The following SLC9B1 variants were observed in gnomAD, a reference collection of about 807,000 sequenced individuals.
The protein encoded by SLC9B1 is solute carrier family 9 member B1, also known as sodium/hydrogen exchanger 9B1.
SLC9B1 carries 32 observed loss-of-function variants against 51.7 expected under a neutral mutation model. That is an observed-to-expected ratio of 0.62 (90% CI 0.47 to 0.83). The LOEUF (loss-of-function observed/expected upper bound fraction) is 0.83, where lower values mean the gene tolerates loss of function less well. Among genes scored for constraint, SLC9B1 ranks in the 40% least tolerant of loss-of-function variants. The pLI is 0.00. For missense variants in SLC9B1, 406 were observed against 613.2 expected, an observed-to-expected ratio of 0.66 and a Z score of 3.57; for synonymous variants, 145 against 212.7, an observed-to-expected ratio of 0.68 and a Z score of 2.77.
chr4:102,913,785 G>C (rs192665012), intron 7 of SLC9B1, among the ~76,000 whole-genome samples: 278 of 53,868 alleles, frequency 5.2e-3, no homozygotes, highest in African/African-American at 0.021. Flanking sequence ...TATTAACAAA[G>C]AGATAGAAAC....
intron 1 of SLC9B1, among the ~76,000 whole-genome samples, chr4:103,006,809 C>T (rs1740813260): frequency 6.6e-6 from 1 of 152,166 alleles, no homozygotes; most frequent in African/African-American, 2.4e-5. Flanking sequence ...GACTTTATCC[C>T]TGGCATGCAA....
At chr4:102,997,091 T>C (rs1740268036) in intron 1 of SLC9B1, among the ~76,000 whole-genome samples, 1 of 152,118 alleles carries the variant, frequency 6.6e-6, no homozygotes, top group South Asian at 2.1e-4. Context: ...GTCTGGCCAG[T>C]ATAACAGATA....
chr4:102,989,272 T>C (rs1291189583), intron 3 of SLC9B1, among the ~76,000 whole-genome samples: 1 of 151,996 alleles, frequency 6.6e-6, no homozygotes, highest in African/African-American at 2.4e-5. Context: ...CCAAAATCTC[T>C]TTCTCTCATA....
intron 6 of SLC9B1, among the ~76,000 whole-genome samples, chr4:102,937,957 A>G (rs558078888): frequency 6.6e-6 from 1 of 152,320 alleles, no homozygotes; most frequent in East Asian, 1.9e-4. Flanking sequence ...ATTGTAAAGT[A>G]ACTACACAAT....
chr4:102,975,584 A>ATTTT (rs1466561136), intron 3 of SLC9B1, among the ~76,000 whole-genome samples: 1,420 of 79,798 alleles, frequency 0.018, 90 homozygotes, highest in Non-Finnish European at 0.02. Flanking sequence ...ATATATATAT[A>ATTTT]TATTTTTTTT....
downstream of SLC9B1, among the ~76,000 whole-genome samples, chr4:102,899,562 C>T (rs960964410): frequency 6.7e-4 from 102 of 151,730 alleles, 1 homozygote; most frequent in Non-Finnish European, 4.0e-4. Flanking sequence ...TACAGGTGTG[C>T]GCCACCACAC....
chr4:102,971,231 G>C (rs1007395871), intron 3 of SLC9B1, among the ~76,000 whole-genome samples: 2 of 152,088 alleles, frequency 1.3e-5, no homozygotes, highest in Non-Finnish European at 2.9e-5. Flanking sequence ...TGACCACCTA[G>C]TTTGAAGTAA....
chr4:102,927,082 C>T (rs1736223043), intron 7 of SLC9B1, among the ~76,000 whole-genome samples: 1 of 152,128 alleles, frequency 6.6e-6, no homozygotes, highest in South Asian at 2.1e-4. Context: ...TTCCTTATAC[C>T]TTATACAAAA....
chr4:102,998,600 T>C (rs1740349617), intron 1 of SLC9B1, among the ~76,000 whole-genome samples: 1 of 127,336 alleles, frequency 7.9e-6, no homozygotes, highest in African/African-American at 3.5e-5. Context: ...ACCATCATCA[T>C]ATGGTTTTTT....
At chr4:102,993,281 T>TG (rs1177112323) in intron 1 of SLC9B1, among the ~76,000 whole-genome samples, 5 of 152,226 alleles carry the variant, frequency 3.3e-5, no homozygotes, top group African/African-American at 7.2e-5. Flanking sequence ...CTAGGTACAA[T>TG]GAGGGTACTG....
chr4:102,975,541 C>T (rs1333014817), intron 3 of SLC9B1, among the ~76,000 whole-genome samples: 1 of 136,336 alleles, frequency 7.3e-6, no homozygotes, highest in Admixed American at 7.7e-5. Flanking sequence ...GAAGCTTCAA[C>T]TATATCTATA....
intron 6 of SLC9B1, among the ~76,000 whole-genome samples, chr4:102,944,992 T>A (rs1042871911): frequency 5.9e-5 from 9 of 152,132 alleles, no homozygotes; most frequent in African/African-American, 2.2e-4. Flanking sequence ...TGATAAACAT[T>A]TAGGGGCTAT....
At chr4:102,939,922 T>C (rs1206443305) in intron 6 of SLC9B1, among the ~76,000 whole-genome samples, 1 of 152,108 alleles carries the variant, frequency 6.6e-6, no homozygotes, top group Non-Finnish European at 1.5e-5. Context: ...AAAGCTGGAA[T>C]ACTCCCTTTG....
In SLC9B1 at chr4:102,945,269, G is replaced by C; in HGVS notation, c.577C>G (p.Leu193Val). Residue 193 changes from leucine (L) to valine (V), a missense_variant, in exon 6 of 12, where the codon CTT (leucine) becomes GTT (valine). This residue lies in a region of SLC9B1 where 250 missense variants were observed against 394.1 expected (regional missense o/e 0.63). Coordinates refer to ENST00000296422, the MANE Select transcript of SLC9B1 (RefSeq NM_139173.4). ...ACAGCAGCTGCACTTGCCTCCATAAGGCATGGACCTACAGCCAATCTGAAA... is the reference window on the plus strand; with the variant it reads ...ACAGCAGCTGCACTTGCCTCCATAACGCATGGACCTACAGCCAATCTGAAA... ...VCFRLAVGPC[L>V]MEASAAAVFS... 1 of 1,607,556 alleles carries C rather than the reference G, an allele frequency of 6.2e-7. No individual in the cohort carries two copies. The highest frequency in any genetic ancestry group is 8.5e-7 in the Non-Finnish European group (1 of 1,175,484).
chr4:102,993,025 T>A (rs555920503), intron 1 of SLC9B1, among the ~76,000 whole-genome samples: 1 of 152,280 alleles, frequency 6.6e-6, no homozygotes, highest in South Asian at 2.1e-4. Context: ...CCATGACATG[T>A]GGGGATTGTT....
intron 3 of SLC9B1, among the ~76,000 whole-genome samples, chr4:102,986,649 T>C (rs1409703279): frequency 6.6e-6 from 1 of 152,230 alleles, no homozygotes; most frequent in Non-Finnish European, 1.5e-5. Context: ...TCTTGGATAT[T>C]CTGTTTCATT....
At chr4:103,007,023 G>A (rs1740824553) in intron 1 of SLC9B1, among the ~76,000 whole-genome samples, 1 of 152,162 alleles carries the variant, frequency 6.6e-6, no homozygotes, top group Non-Finnish European at 1.5e-5. Flanking sequence ...ACATCACACT[G>A]AACAGGCAAA....
rs147241747 is a variant in SLC9B1 at position 103,000,927 on chromosome 4, C to T, written c.-1-9215G>A. On this transcript the variant is annotated intron_variant, in intron 1 of 11. Coordinates refer to ENST00000296422, the MANE Select transcript of SLC9B1 (RefSeq NM_139173.4). Reference sequence around the variant, plus strand: ...TGTGAGGGGGTCCAACCCTACATTTCCTTTCCACACTGCCCTAGCTAGAGG... The same window carrying T: ...TGTGAGGGGGTCCAACCCTACATTTTCTTTCCACACTGCCCTAGCTAGAGG... Among the ~76,000 whole-genome samples, 297 of 152,376 alleles carry T rather than the reference C, an allele frequency of 1.9e-3. 5 individuals are homozygous for T. Among genetic ancestry groups the T allele is most frequent in the African/African-American group, 7.0e-3 (290 of 41,586 alleles).
intron 3 of SLC9B1, among the ~76,000 whole-genome samples, chr4:102,963,949 A>G (rs1738281299): frequency 6.6e-6 from 1 of 152,168 alleles, no homozygotes; most frequent in Non-Finnish European, 1.5e-5. Flanking sequence ...TATGAAATAA[A>G]AAGGTCACAG....
Sources: gnomAD v4.1 joint callset for allele counts (sites outside exome capture counted in the v4.1 genomes callset) on GRCh38, gnomAD v4.1.1 for gene constraint, gnomAD v4.1.1 regional missense constraint, MANE v1.5 for transcripts, NCBI Gene and HGNC (gene_info 2026-07-23, HGNC 2026-07-21) for gene names.